JAG2: variants seen among roughly 807,000 people sequenced by gnomAD.
JAG2 encodes the protein jagged canonical Notch ligand 2, also known as protein jagged-2.
JAG2 carries 46 observed loss-of-function variants against 141.7 expected under a neutral mutation model. That is an observed-to-expected ratio of 0.32 (90% CI 0.26 to 0.42). The LOEUF is 0.42. Ranked by LOEUF, JAG2 falls within the 10% of genes least tolerant of loss-of-function variation. The pLI is 1.00. For synonymous variants in JAG2, 862 were observed against 763.5 expected (o/e 1.13, Z -2.13); for missense variants, 1,500 against 1,817.5 (o/e 0.83, Z 3.18).
chr14:105,148,478 C>T (rs773153418), intron 15 of JAG2, 39 bp from the exon 16 acceptor site: 19 of 1,469,998 alleles, frequency 1.3e-5, no homozygotes, highest in East Asian at 2.4e-5. Flanking sequence ...GGGGGGTCAC[C>T]GGCGCTCAGG....
intron 2 of JAG2, among the ~76,000 whole-genome samples, chr14:105,163,610 C>T (rs3784239): frequency 0.61 from 91,774 of 149,858 alleles, 28,069 homozygotes; most frequent in Middle Eastern, 0.69. Context: ...ACAGGGCCTC[C>T]GCTCAGGCCT....
chr14:105,157,827 G>A, intron 2 of JAG2, 64 bp from the exon 3 acceptor site: 1 of 1,436,420 alleles, frequency 7.0e-7, no homozygotes, highest in Non-Finnish European at 9.5e-7. Context: ...TTCAGGGTGG[G>A]ACAAGGCCCA....
At chr14:105,151,482 G>A (rs1201294407) in intron 8 of JAG2, 86 bp from the exon 9 acceptor site, 2 of 1,402,994 alleles carry the variant, frequency 1.4e-6, no homozygotes, top group Non-Finnish European at 2.0e-6. Flanking sequence ...GCAAGCCTGG[G>A]TCTTCCTGCC....
chr14:105,162,530 C>G (rs1248582783), intron 2 of JAG2, among the ~76,000 whole-genome samples: 5 of 151,894 alleles, frequency 3.3e-5, no homozygotes, highest in African/African-American at 1.2e-4. Flanking sequence ...ATCCCACAGC[C>G]CAGGGCACTG....
chr14:105,149,177 G>A lies in JAG2; in HGVS notation c.1746C>T (p.Ala582=), dbSNP rs368778866. The change falls in exon 13 of 26, where the codon GCC becomes GCT. Residue 582 remains alanine (A), a synonymous_variant. Transcript: ENST00000331782. ...CCATGCCGCACCCAGCACCTCTGCA[G>A]GCCCCGCCAGGGCACGGCTCGCGGG... The part of the protein sequence containing the change: ...SVPREPCPGG[A]CRVIDGCGSD... The A allele has an allele frequency of 1.9e-4, 299 of 1,539,998 alleles. No individual in the cohort carries two copies. The highest frequency in any genetic ancestry group is 2.3e-4 in the Non-Finnish European group (267 of 1,140,840).
Position 105,150,772 on chromosome 14 carries a change from C to A in JAG2, c.1434G>T (p.Leu478=). 6.3e-7 allele frequency: 1 copy of A among 1,587,052 alleles called. No homozygotes were observed. The highest frequency in any genetic ancestry group is 8.6e-7 in the Non-Finnish European group (1 of 1,167,304). Residue 478 remains leucine (L), a synonymous_variant, in exon 12 of 26, where the codon CTG becomes CTT. Coordinates refer to ENST00000331782, the MANE Select transcript of JAG2 (RefSeq NM_002226.5). The stretch of plus-strand genomic sequence containing the variant: ...GGCACACACACTGGTACCCGTTCAC[C>A]AGGTCCTGGGCGGGCCAGCCAGGTG... The part of the protein sequence containing the change: ...QCQHGGTCKD[L]VNGYQCVCPR...
At position 105,152,224 on chromosome 14, in the gene JAG2, T is replaced by C. The variant is rs1252478802; in HGVS notation, c.856A>G (p.Ser286Gly). Reference protein sequence around the residue: ...CVPYPGCVHGSCVEPWQCNCE... With the variant: ...CVPYPGCVHGGCVEPWQCNCE... ...TTGCACTGCCAGGGCTCCACACAACTGCCATGCACGCAGCCGGGGTAGGGG... is the reference window on the plus strand; with the variant it reads ...TTGCACTGCCAGGGCTCCACACAACCGCCATGCACGCAGCCGGGGTAGGGG... Residue 286 changes from serine to glycine, a missense_variant, in exon 6 of 26, where the codon AGT becomes GGT. Coordinates refer to ENST00000331782, the MANE Select transcript of JAG2 (RefSeq NM_002226.5). 1.2e-6 allele frequency: 2 copies of C among 1,613,402 alleles called. No individual in the cohort carries two copies. The highest frequency in any genetic ancestry group is 3.3e-5 in the Admixed American group (2 of 59,996).
At chr14:105,151,588 A>C (rs1341156250) in intron 8 of JAG2, 38 bp downstream of exon 8, 141 of 1,516,046 alleles carry the variant, frequency 9.3e-5, no homozygotes, top group Non-Finnish European at 1.3e-4. Context: ...CCCCACTGAT[A>C]CTAGGCAGGA....
chr14:105,141,126 ACCT>A lies in JAG2; in HGVS notation c.*1566_*1568del. ...TTGGCTTTGCTCCTTGACTCAGTTGACCTCCTACCCCTCACAGCAGGGTAAAGA... is the reference window on the plus strand; with the variant it reads ...TTGGCTTTGCTCCTTGACTCAGTTGACCTACCCCTCACAGCAGGGTAAAGA... On this transcript the variant is annotated 3_prime_UTR_variant, in exon 26 of 26. Coordinates refer to ENST00000331782, the MANE Select transcript of JAG2 (RefSeq NM_002226.5). 6.6e-6 allele frequency: 1 copy of A among 151,894 alleles called. No homozygotes were observed. The highest frequency in any genetic ancestry group is 2.4e-5 in the African/African-American group (1 of 41,380). 9.4% of individuals were successfully genotyped at this position (151,894 alleles called of 1,614,324 possible).
chr14:105,148,718 C>T (rs897556058), intron 15 of JAG2, 27 bp downstream of exon 15: 20 of 1,528,580 alleles, frequency 1.3e-5, no homozygotes, highest in Admixed American at 7.8e-5. Flanking sequence ...AGGCACAGGC[C>T]GTGTGGGCGG....
At chr14:105,145,122 T>C (rs1888185003) in intron 23 of JAG2, 61 bp from the exon 24 acceptor site, 2 of 1,597,458 alleles carry the variant, frequency 1.3e-6, no homozygotes, top group Non-Finnish European at 1.7e-6. Flanking sequence ...CCTACATCCC[T>C]GGACTGGCGC....
At chr14:105,148,070 G>A in intron 17 of JAG2, 46 bp downstream of exon 17, 1 of 1,459,702 alleles carries the variant, frequency 6.9e-7, no homozygotes, top group South Asian at 1.2e-5. Flanking sequence ...GCGGTGCCTG[G>A]GAGGGCATAT....
chr14:105,142,591 T>TA lies in JAG2; in HGVS notation c.*103dup. 1.2e-6 allele frequency: 1 copy of TA among 839,072 alleles called. No individual in the cohort carries two copies. The highest frequency in any genetic ancestry group is 1.7e-5 in the South Asian group (1 of 60,468). The allele number at this position is 839,072 out of a possible 1,614,324, so 52.0% of individuals were successfully genotyped here. ...TGGTTTTTGTTTTTGGTGGTTTTTT[T>TA]ACACAAAATAAAGAAACTATGCACA... On this transcript the variant is annotated 3_prime_UTR_variant, in exon 26 of 26. Coordinates refer to ENST00000331782, the MANE Select transcript of JAG2 (RefSeq NM_002226.5).
Position 105,145,067 on chromosome 14 carries a change from CAG to C in JAG2, c.2953-8_2953-7del, listed in dbSNP as rs888989088. 2 of 1,609,400 alleles carry C rather than the reference CAG, an allele frequency of 1.2e-6. No individual in the cohort carries two copies. Among genetic ancestry groups the C allele is most frequent in the African/African-American group, 2.7e-5 (2 of 74,912 alleles). The stretch of plus-strand genomic sequence containing the variant: ...ATGGCGCCCACCGTGGTGCCCTGGG[CAG>C]AGACAGGCAGTGCGTGGGCAGGGCA... On this transcript the variant is annotated splice_region_variant and splice_polypyrimidine_tract_variant and intron_variant, in intron 23 of 25. Coordinates refer to ENST00000331782, the MANE Select transcript of JAG2 (RefSeq NM_002226.5).
intron 1 of JAG2, 59 bp from the exon 2 acceptor site, chr14:105,168,166 C>A (rs587624855): frequency 2.9e-6 from 4 of 1,394,890 alleles, no homozygotes; most frequent in African/African-American, 1.5e-5. Flanking sequence ...GCGGGCCGGG[C>A]GCCAGGGGTG....
chr14:105,166,950 C>T (rs1008282597), intron 2 of JAG2, among the ~76,000 whole-genome samples: 4 of 152,124 alleles, frequency 2.6e-5, no homozygotes, highest in Non-Finnish European at 4.4e-5. Context: ...GTAAGGCGCC[C>T]GAGGCCTGGG....
In JAG2 at chr14:105,167,811, G is replaced by T; in HGVS notation, c.363C>A (p.Ala121=). ...AGDRARARAR[A]GGDQDPGLVV... ...CGAGGCCCGGGTCCTGGTCGCCGCC[G>T]GCCCGGGCCCGCGCCCGCGCTCGGT... is the stretch of plus-strand genomic sequence containing the variant. The change falls in exon 2 of 26, where the codon GCC becomes GCA. Residue 121 remains alanine, a synonymous_variant. Transcript: ENST00000331782. The surrounding 1 kb of genome is among the most constrained non-coding windows in gnomAD (Gnocchi z 4.8). The T allele has an allele frequency of 3.4e-6, 5 of 1,464,006 alleles. No individual in the cohort carries two copies. The highest frequency in any genetic ancestry group is 1.8e-6 in the Non-Finnish European group (2 of 1,111,638). 90.7% of individuals were successfully genotyped at this position (1,464,006 alleles called of 1,614,324 possible).
chr14:105,167,836 TC>T lies in JAG2; in HGVS notation c.337del (p.Asp113ThrfsTer50). On this transcript the variant is annotated frameshift_variant, in exon 2 of 26. Transcript: ENST00000331782. LOFTEE classifies it high-confidence loss of function. This position sits in a 1 kb window ranked among gnomAD's most constrained non-coding sequence, Gnocchi z 4.8. ...GGCCCGGGCCCGCGCCCGCGCTCGG[TC>T]CCCCGCAGCGCCCGCCGGCGGCAGG... ...FYLPPAGAAG[D>X]RARARARAGG... is the part of the protein sequence containing the mutation. 1 of 1,493,928 alleles carries T rather than the reference TC, an allele frequency of 6.7e-7. No individual in the cohort carries two copies. The highest frequency in any genetic ancestry group is 8.9e-7 in the Non-Finnish European group (1 of 1,128,652). 92.5% of individuals were successfully genotyped at this position (1,493,928 alleles called of 1,614,324 possible).
At chr14:105,159,763 C>A (rs1391242716) in intron 2 of JAG2, among the ~76,000 whole-genome samples, 2 of 65,074 alleles carry the variant, frequency 3.1e-5, no homozygotes, top group African/African-American at 1.3e-4. Flanking sequence ...TCCATCCACA[C>A]CCCCCCAGAG....
Sources: gnomAD v4.1 joint callset for allele counts (sites outside exome capture counted in the v4.1 genomes callset) on GRCh38, gnomAD v4.1.1 for gene constraint, Gnocchi (gnomAD v3.1) non-coding constraint, MANE v1.5 for transcripts, NCBI Gene and HGNC (gene_info 2026-07-23, HGNC 2026-07-21) for gene names.